Variants in DISC1 observed in about 807,000 individuals in gnomAD.
DISC1 encodes disrupted in schizophrenia 1 protein.
In DISC1, 57 loss-of-function variants were observed where a neutral mutation model predicts 84.5. The observed-to-expected ratio is 0.67, with a 90% CI of 0.55 to 0.84. The LOEUF is 0.84. DISC1 is among the 40% of genes least tolerant of loss of function. The pLI is 0.00. For synonymous variants in DISC1, 411 were observed against 415.2 expected, an observed-to-expected ratio of 0.99 and a Z score of 0.12; for missense variants, 1,000 against 1,057.8, an observed-to-expected ratio of 0.95 and a Z score of 0.76.
At chr1:231,828,401 A>G (rs2082007169) in intron 9 of DISC1, among the ~76,000 whole-genome samples, 1 of 152,232 alleles carries the variant, frequency 6.6e-6, no homozygotes, top group African/African-American at 2.4e-5. Context: ...ACTGAGTAAC[A>G]GTAGTGGCTG....
At chr1:231,920,059 G>A (rs1467501160) in intron 9 of DISC1, among the ~76,000 whole-genome samples, 2 of 152,102 alleles carry the variant, frequency 1.3e-5, no homozygotes, top group Non-Finnish European at 2.9e-5. Flanking sequence ...GCAGCACCCA[G>A]GGCTCTACGT....
At chr1:231,982,958 G>GGATT (rs1297679492) in intron 10 of DISC1, among the ~76,000 whole-genome samples, 2 of 152,102 alleles carry the variant, frequency 1.3e-5, no homozygotes, top group East Asian at 3.9e-4. Context: ...GAGTCATGAG[G>GGATT]GATTCACCAG....
At chr1:231,693,753 T>G in intron 1 of DISC1, 73 bp from the exon 2 acceptor site, 1 of 1,607,002 alleles carries the variant, frequency 6.2e-7, no homozygotes, top group Non-Finnish European at 8.5e-7. Context: ...CCTAGGGATG[T>G]TCTCCAGATG....
Position 232,036,748 on chromosome 1 carries a change from C to T in DISC1, c.2482C>T (p.Gln828Ter). ...VKETLQAMIL[Q>*]LQPAKEAGER... ...GGAAACTCTGCAGGCCATGATCCTG[C>T]AGCTCCAGCCAGCAAAGGAGGCGGG... is the stretch of plus-strand genomic sequence containing the variant. Residue 828 changes from glutamine to a stop codon, truncating the protein, a stop_gained, in exon 13 of 13, where the codon CAG becomes TAG. Coordinates refer to ENST00000439617, the MANE Select transcript of DISC1 (RefSeq NM_018662.3). LOFTEE classifies it low-confidence loss of function (END_TRUNC). The T allele has an allele frequency of 6.2e-7, 1 of 1,607,432 alleles. No homozygotes were observed. Among genetic ancestry groups the T allele is most frequent in the South Asian group, 1.1e-5 (1 of 90,176 alleles).
chr1:231,801,922 C>T (rs2079301537), intron 8 of DISC1, among the ~76,000 whole-genome samples: 6 of 151,672 alleles, frequency 4.0e-5, no homozygotes, highest in Admixed American at 3.9e-4. Flanking sequence ...GGGTTCATAC[C>T]ATTTTCCTGC....
Position 231,897,515 on chromosome 1 carries a change from C to G in DISC1, c.1982-61313C>G, listed in dbSNP as rs531448034. Reference sequence around the variant, plus strand: ...ACAGCGCAGACTAAATCGTCTTTTTCTTTATCTTTTTTTTTTCCTTTAACA... The same window carrying G: ...ACAGCGCAGACTAAATCGTCTTTTTGTTTATCTTTTTTTTTTCCTTTAACA... On this transcript the variant is annotated intron_variant, in intron 9 of 12. Coordinates refer to ENST00000439617, the MANE Select transcript of DISC1 (RefSeq NM_018662.3). This position sits in a 1 kb window ranked among gnomAD's most constrained non-coding sequence, Gnocchi z 4.5. 1.4e-4 allele frequency among the ~76,000 whole-genome samples: 21 copies of G among 152,158 alleles called. No individual in the cohort carries two copies. The highest frequency in any genetic ancestry group is 4.6e-4 in the African/African-American group (19 of 41,550).
At chr1:231,647,989 A>G (rs530663723) in intron 1 of DISC1, among the ~76,000 whole-genome samples, 12 of 152,378 alleles carry the variant, frequency 7.9e-5, no homozygotes, top group Admixed American at 5.2e-4. Context: ...TAAATATACA[A>G]TCATATCATC....
rs1399316694 is a variant in DISC1, at chr1:231,698,288, G to A, written c.1047+3483G>A. Among the ~76,000 whole-genome samples the A allele has an allele frequency of 3.9e-5, 6 of 152,288 alleles. No homozygotes were observed. In the East Asian group the frequency reaches 7.7e-4, roughly 20 times the overall value. ...TTATAGAACATAACTACAGTACTGT[G>A]AATAAGGAGAATCGACTGTGAATAT... On this transcript the variant is annotated intron_variant, in intron 2 of 12. Coordinates refer to ENST00000439617, the MANE Select transcript of DISC1 (RefSeq NM_018662.3). This position sits in a 1 kb window ranked among gnomAD's most constrained non-coding sequence, Gnocchi z 4.9.
chr1:231,948,482 C>T (rs1327057205), intron 9 of DISC1, among the ~76,000 whole-genome samples: 2 of 152,034 alleles, frequency 1.3e-5, no homozygotes, highest in Non-Finnish European at 2.9e-5. Flanking sequence ...GAAGGGATAG[C>T]TTTTGGAGAA....
intron 10 of DISC1, among the ~76,000 whole-genome samples, chr1:231,961,083 A>C (rs1435919873): frequency 1.3e-5 from 2 of 152,240 alleles, no homozygotes; most frequent in African/African-American, 2.4e-5. Flanking sequence ...GAACCTCCAC[A>C]TATTCAGCTA....
rs1772690 is a variant in DISC1, at chr1:232,009,475, A to G, written c.2307+426A>G. On this transcript the variant is annotated intron_variant, in intron 11 of 12. Transcript: ENST00000439617. The surrounding 1 kb of genome is among the most constrained non-coding windows in gnomAD (Gnocchi z 4.6). ...TATGATGTTTATATATTTAGAATCTATATATTACAATATATTATTATTTAT... is the reference window on the plus strand; with the variant it reads ...TATGATGTTTATATATTTAGAATCTGTATATTACAATATATTATTATTTAT... 177,071 of 611,978 alleles carry G rather than the reference A, an allele frequency of 0.29. 26,706 individuals carry two copies. Among genetic ancestry groups the G allele is most frequent in the African/African-American group, 0.33 (16,386 of 49,422 alleles). The allele number at this position is 611,978 out of a possible 1,614,324, so 37.9% of individuals were successfully genotyped here.
chr1:231,865,614 C>G (rs2084998700), intron 9 of DISC1, among the ~76,000 whole-genome samples: 1 of 152,230 alleles, frequency 6.6e-6, no homozygotes, highest in Non-Finnish European at 1.5e-5. Flanking sequence ...CTCATTCTCC[C>G]TTCCCCCAGC....
chr1:231,828,983 A>G (rs1038843087), intron 9 of DISC1, among the ~76,000 whole-genome samples: 3 of 152,140 alleles, frequency 2.0e-5, no homozygotes, highest in African/African-American at 4.8e-5. Context: ...ACTCTTCATT[A>G]TACACTTCTG....
At chr1:231,682,920 AGTGG>A (rs1407658977) in intron 1 of DISC1, among the ~76,000 whole-genome samples, 1 of 152,232 alleles carries the variant, frequency 6.6e-6, no homozygotes, top group East Asian at 1.9e-4. Context: ...TTAAACACGA[AGTGG>A]GCTGGATGTC....
At chr1:231,734,503 G>T (rs144901631) in intron 3 of DISC1, among the ~76,000 whole-genome samples, 1 of 150,484 alleles carries the variant, frequency 6.6e-6, no homozygotes, top group Non-Finnish European at 1.5e-5. Context: ...TCTCTCTCAC[G>T]CACACACACA....
chr1:231,905,776 A>G (rs987743999), intron 9 of DISC1, among the ~76,000 whole-genome samples: 17 of 152,162 alleles, frequency 1.1e-4, no homozygotes, highest in African/African-American at 1.7e-4. Flanking sequence ...CAACATTTCA[A>G]TGAAGCCTGA....
chr1:231,925,507 C>T (rs1482265688), intron 9 of DISC1, among the ~76,000 whole-genome samples: 1 of 152,150 alleles, frequency 6.6e-6, no homozygotes, highest in African/African-American at 2.4e-5. Flanking sequence ...CTCAGAGCTT[C>T]CCCTCCACTG....
intron 3 of DISC1, chr1:231,745,400 T>C: frequency 6.2e-6 from 1 of 161,250 alleles, no homozygotes; most frequent in South Asian, 1.3e-4. Context: ...TTTTGTATTT[T>C]TAGTAGAGAC....
intron 3 of DISC1, among the ~76,000 whole-genome samples, chr1:231,744,512 A>G (rs2073738366): frequency 6.6e-6 from 1 of 152,200 alleles, no homozygotes; most frequent in Non-Finnish European, 1.5e-5. Context: ...TGATACCAAC[A>G]CTTTATTAGC....
Sources: gnomAD v4.1 joint callset for allele counts (sites outside exome capture counted in the v4.1 genomes callset) on GRCh38, gnomAD v4.1.1 for gene constraint, Gnocchi (gnomAD v3.1) non-coding constraint, MANE v1.5 for transcripts, NCBI Gene and HGNC (gene_info 2026-07-23, HGNC 2026-07-21) for gene names.